The following ATP8B4 variants were observed in gnomAD, a reference collection of about 807,000 sequenced individuals.
ATP8B4 encodes probable phospholipid-transporting ATPase IM.
ATP8B4 carries 133 observed loss-of-function variants against 145.6 expected under a neutral mutation model. The observed-to-expected ratio is 0.91, with a 90% CI of 0.79 to 1.05. The LOEUF is 1.05. Among genes scored for constraint, ATP8B4 ranks in the 50% least tolerant of loss-of-function variants. The probability of loss-of-function intolerance (pLI) is 0.00; values close to 1 mark genes in which losing one functional copy is unlikely to be tolerated. For synonymous variants in ATP8B4, 507 were observed against 492.9 expected, an observed-to-expected ratio of 1.03 and a Z score of -0.38; for missense variants, 1,458 against 1,425.2, an observed-to-expected ratio of 1.02 and a Z score of -0.37.
chr15:50,018,954 C>T (rs1195606433), intron 6 of ATP8B4: 1 of 1,254,172 alleles, frequency 8.0e-7, no homozygotes, highest in East Asian at 5.7e-5. Context: ...GTCATTAAAC[C>T]CTCAGCTTTG....
At chr15:50,170,646 CAA>C (rs56011305) in intron 1 of ATP8B4, among the ~76,000 whole-genome samples, 1 of 150,968 alleles carries the variant, frequency 6.6e-6, no homozygotes, top group Non-Finnish European at 1.5e-5. Context: ...CAAAACAAAA[CAA>C]AAAAAAACAA....
At chr15:50,079,117 GGGAT>G (rs2054376316) in intron 2 of ATP8B4, among the ~76,000 whole-genome samples, 1 of 151,984 alleles carries the variant, frequency 6.6e-6, no homozygotes, top group Non-Finnish European at 1.5e-5. Flanking sequence ...AATGTTTGAG[GGGAT>G]GGATACCCCA....
At chr15:50,044,924 G>C (rs2051603781) in intron 4 of ATP8B4, among the ~76,000 whole-genome samples, 1 of 152,142 alleles carries the variant, frequency 6.6e-6, no homozygotes, top group Admixed American at 6.5e-5. Context: ...ATAGCAAGGG[G>C]AGAAGCTTCT....
chr15:49,930,990 AAG>A (rs1370759669), intron 16 of ATP8B4, 127 bp downstream of exon 16: 4 of 1,002,078 alleles, frequency 4.0e-6, no homozygotes, highest in Non-Finnish European at 5.9e-6. Context: ...TGAGCAACAC[AAG>A]AGTTTATACA....
At chr15:50,120,015 T>C (rs2057250388), upstream of ATP8B4, among the ~76,000 whole-genome samples, 1 of 152,106 alleles carries the variant, frequency 6.6e-6, no homozygotes, top group Non-Finnish European at 1.5e-5. Context: ...GAAAATAAAA[T>C]ATTTTGGTGC....
intron 25 of ATP8B4, among the ~76,000 whole-genome samples, chr15:49,876,055 G>A (rs2034367664): frequency 6.6e-6 from 1 of 152,078 alleles, no homozygotes; most frequent in Non-Finnish European, 1.5e-5. Context: ...GTGATACATT[G>A]TGAGGTTTCT....
At chr15:50,139,378 T>G (rs527362423) in intron 1 of ATP8B4, among the ~76,000 whole-genome samples, 2 of 150,954 alleles carry the variant, frequency 1.3e-5, no homozygotes, top group South Asian at 2.1e-4. Flanking sequence ...TAAGTGGGAG[T>G]TGAAAAAGGA....
intron 3 of ATP8B4, among the ~76,000 whole-genome samples, chr15:50,073,017 TATAC>T (rs1441567709): frequency 2.7e-3 from 85 of 31,628 alleles, no homozygotes; most frequent in African/African-American, 5.6e-3. Context: ...TATATATATA[TATAC>T]ACACACACAC....
intron 1 of ATP8B4, among the ~76,000 whole-genome samples, chr15:50,181,543 G>A (rs2044847581): frequency 6.6e-6 from 1 of 152,214 alleles, no homozygotes; most frequent in Non-Finnish European, 1.5e-5. Context: ...TTGATTTCAG[G>A]TGGTGCGGTG....
Position 49,979,643 on chromosome 15 carries a change from T to A in ATP8B4, c.1008A>T (p.Thr336=). The A allele has an allele frequency of 2.5e-6, 4 of 1,573,808 alleles. No homozygotes were observed. Among genetic ancestry groups the A allele is most frequent in the Non-Finnish European group, 3.5e-6 (4 of 1,153,830 alleles). ...TFWSYIIILN[T]VVPISLYVSV... ...TCACATATAAGGAAATGGGTACAAC[T>A]GTATTGAGAATAATAATATATGACC... is the stretch of plus-strand genomic sequence containing the variant. Residue 336 remains threonine, a synonymous_variant, in exon 12 of 28, where the codon ACA becomes ACT. Coordinates refer to ENST00000284509, the MANE Select transcript of ATP8B4 (RefSeq NM_024837.4).
upstream of ATP8B4, chr15:50,119,604 G>A (rs1385916828): frequency 2.0e-5 from 3 of 152,166 alleles, no homozygotes; most frequent in Non-Finnish European, 4.4e-5. Context: ...AATTCAGGAG[G>A]ATGAAAATGA....
intron 20 of ATP8B4, among the ~76,000 whole-genome samples, chr15:49,909,803 C>A (rs1283757499): frequency 1.7e-4 from 26 of 149,852 alleles, no homozygotes; most frequent in Non-Finnish European, 1.9e-4. Flanking sequence ...GAATCAAAGC[C>A]AAAGTGCCCT....
chr15:49,887,916 T>C (rs2036384863), intron 23 of ATP8B4, among the ~76,000 whole-genome samples: 1 of 152,230 alleles, frequency 6.6e-6, no homozygotes, highest in Non-Finnish European at 1.5e-5. Flanking sequence ...GGGCTTTCTC[T>C]GCTCTTTCTG....
rs751097035 is a variant in ATP8B4, at chr15:50,038,785, T to A, written c.345A>T (p.Glu115Asp). ...SDNQVNNRQS[E>D]VLINSKLQNE... ...TTTCTTACTTGCTGTTGATGAGCAC[T>A]TCAGACTGCCGATTATTCACTTGAT... The change falls in exon 6 of 28, where the codon GAA becomes GAT. Residue 115 changes from glutamate (E) to aspartate (D), a missense_variant. Glu to Asp is a conservative substitution (Grantham distance 45, BLOSUM62 2). Transcript: ENST00000284509. The A allele has an allele frequency of 1.2e-6, 2 of 1,613,588 alleles. No individual in the cohort carries two copies. Among genetic ancestry groups the A allele is most frequent in the East Asian group, 4.5e-5 (2 of 44,862 alleles).
At chr15:50,131,515 G>A (rs1402638092) in intron 1 of ATP8B4, among the ~76,000 whole-genome samples, 2 of 151,988 alleles carry the variant, frequency 1.3e-5, no homozygotes, top group African/African-American at 4.8e-5. Flanking sequence ...CCTTTTATTC[G>A]CTAGAGGAGC....
At chr15:50,074,320 G>T in intron 2 of ATP8B4, 135 bp from the exon 3 acceptor site, 1 of 737,556 alleles carries the variant, frequency 1.4e-6, no homozygotes, top group Non-Finnish European at 2.2e-6. Flanking sequence ...GAAGGTATTG[G>T]CTTTTTCCAG....
At chr15:49,890,269 T>C (rs16963019) in intron 23 of ATP8B4, among the ~76,000 whole-genome samples, 23,829 of 152,148 alleles carry the variant, frequency 0.16, 1,991 homozygotes, top group South Asian at 0.26. Context: ...CTGTCAGGAC[T>C]GGACAGAGAA....
chr15:50,001,625 T>G (rs2047901887), intron 8 of ATP8B4, among the ~76,000 whole-genome samples: 1 of 152,230 alleles, frequency 6.6e-6, no homozygotes, highest in African/African-American at 2.4e-5. Flanking sequence ...AAGCATTCAA[T>G]AAATGTTTTT....
intron 23 of ATP8B4, among the ~76,000 whole-genome samples, chr15:49,881,526 GC>G (rs1465544023): frequency 6.6e-6 from 1 of 152,172 alleles, no homozygotes; most frequent in Non-Finnish European, 1.5e-5. Flanking sequence ...ATACAAGACA[GC>G]TGCAGCCACG....
Sources: allele counts gnomAD v4.1 joint callset (sites outside exome capture counted in the v4.1 genomes callset), GRCh38; gene constraint gnomAD v4.1.1; transcripts MANE v1.5; gene names NCBI Gene and HGNC (gene_info 2026-07-23, HGNC 2026-07-21).